FAM107B: variants seen among roughly 807,000 people sequenced by gnomAD.
FAM107B encodes the protein protein FAM107B.
FAM107B carries 21 observed loss-of-function variants against 31.5 expected under a neutral mutation model. That is an observed-to-expected ratio of 0.67 (90% CI 0.47 to 0.96). The LOEUF is 0.96. Ranked by LOEUF, FAM107B falls within the 40% of genes least tolerant of loss-of-function variation. The probability of loss-of-function intolerance (pLI) is 0.00; values close to 1 mark genes in which losing one functional copy is unlikely to be tolerated. For missense variants in FAM107B, 452 were observed against 377.1 expected, an observed-to-expected ratio of 1.20 and a Z score of -1.64; for synonymous variants, 157 against 141.5, an observed-to-expected ratio of 1.11 and a Z score of -0.78.
intron 2 of FAM107B, among the ~76,000 whole-genome samples, chr10:14,531,680 A>C (rs1055681431): frequency 6.6e-6 from 1 of 152,104 alleles, no homozygotes; most frequent in African/African-American, 2.4e-5. Context: ...TGTCTCTACT[A>C]AAAATACAAA....
intron 3 of FAM107B, among the ~76,000 whole-genome samples, chr10:14,524,589 A>C (rs1274487634): frequency 1.3e-5 from 2 of 152,218 alleles, no homozygotes; most frequent in African/African-American, 4.8e-5. Context: ...GTTGCTTAAG[A>C]GTACTCTGTT....
chr10:14,558,248 C>T (rs893207796), intron 2 of FAM107B, among the ~76,000 whole-genome samples: 7 of 152,156 alleles, frequency 4.6e-5, no homozygotes, highest in African/African-American at 7.2e-5. Context: ...CACTCACATA[C>T]GTGCACGCGC....
At chr10:14,721,561 C>T (rs1299711842) in intron 1 of FAM107B, among the ~76,000 whole-genome samples, 1 of 152,186 alleles carries the variant, frequency 6.6e-6, no homozygotes, top group African/African-American at 2.4e-5. Flanking sequence ...GATGGTATCT[C>T]ATTGTGGTTT....
At chr10:14,735,898 A>T (rs1856289192) in intron 1 of FAM107B, among the ~76,000 whole-genome samples, 1 of 152,182 alleles carries the variant, frequency 6.6e-6, no homozygotes, top group Admixed American at 6.5e-5. Context: ...ATATCTCTAC[A>T]GTACTAAAAT....
At chr10:14,643,237 C>T (rs1022478746) in intron 2 of FAM107B, among the ~76,000 whole-genome samples, 2 of 151,922 alleles carry the variant, frequency 1.3e-5, no homozygotes, top group Non-Finnish European at 2.9e-5. Context: ...GGCATAATTT[C>T]AGTTCAAAAG....
intron 2 of FAM107B, among the ~76,000 whole-genome samples, chr10:14,549,373 C>T (rs1217957251): frequency 1.3e-5 from 2 of 152,202 alleles, no homozygotes; most frequent in Non-Finnish European, 2.9e-5. Context: ...GCTGAGTACT[C>T]GCAGCATCTA....
At chr10:14,522,960 C>G (rs1845825580) in intron 3 of FAM107B, among the ~76,000 whole-genome samples, 1 of 152,130 alleles carries the variant, frequency 6.6e-6, no homozygotes, top group African/African-American at 2.4e-5. Context: ...ACAATGAAAG[C>G]AAGTCGGCCT....
intron 2 of FAM107B, among the ~76,000 whole-genome samples, chr10:14,662,885 G>A (rs569268242): frequency 4.6e-5 from 7 of 152,290 alleles, no homozygotes; most frequent in Non-Finnish European, 7.4e-5. Flanking sequence ...GGTTGCCAAC[G>A]GAGATTAACG....
Position 14,578,968 on chromosome 10 carries a change from TCA to T in FAM107B, c.470-48455_470-48454del, listed in dbSNP as rs1363422895. Among the ~76,000 whole-genome samples, 3 of 152,260 alleles carry T rather than the reference TCA, an allele frequency of 2.0e-5. No homozygotes were observed. The Middle Eastern group carries it at 0.01, about 518-fold the overall frequency. ...CGCAAGCTAAAAATGACAGCCTTGT[TCA>T]CACATTGTAAGACTTTACCTAAATT... On this transcript the variant is annotated intron_variant, in intron 2 of 4. Transcript: ENST00000181796.
At chr10:14,700,793 C>T (rs1855379470) in intron 1 of FAM107B, among the ~76,000 whole-genome samples, 1 of 141,792 alleles carries the variant, frequency 7.1e-6, no homozygotes, top group East Asian at 2.0e-4. Flanking sequence ...CAACTACAGG[C>T]CCAGCTGGTC....
intron 2 of FAM107B, among the ~76,000 whole-genome samples, chr10:14,566,500 G>A (rs1006868907): frequency 1.3e-5 from 2 of 152,070 alleles, no homozygotes; most frequent in African/African-American, 2.4e-5. Context: ...TTCCTCAGTC[G>A]AGCCTCTGAT....
chr10:14,546,368 T>C (rs1848693000), intron 2 of FAM107B, among the ~76,000 whole-genome samples: 1 of 152,264 alleles, frequency 6.6e-6, no homozygotes, highest in South Asian at 2.1e-4. Flanking sequence ...TACTGATCTG[T>C]GGGTGTTTTG....
chr10:14,674,416 C>G (rs1854631229), intron 1 of FAM107B, among the ~76,000 whole-genome samples: 1 of 152,140 alleles, frequency 6.6e-6, no homozygotes, highest in Admixed American at 6.5e-5. Flanking sequence ...CAGCATTGCT[C>G]CCTGGGGATG....
At chr10:14,762,755 C>CAT (rs1833078698) in intron 1 of FAM107B, among the ~76,000 whole-genome samples, 1 of 20,120 alleles carries the variant, frequency 5.0e-5, no homozygotes, top group African/African-American at 2.4e-4. Flanking sequence ...AACTCTGTCT[C>CAT]ACACACACAC....
intron 2 of FAM107B, among the ~76,000 whole-genome samples, chr10:14,598,105 T>A (rs1852246486): frequency 6.6e-6 from 1 of 152,194 alleles, no homozygotes; most frequent in African/African-American, 2.4e-5. Context: ...TTTGCCAACA[T>A]TTTTCCCCAT....
chr10:14,597,179 T>A (rs1016079756), intron 2 of FAM107B, among the ~76,000 whole-genome samples: 1 of 152,222 alleles, frequency 6.6e-6, no homozygotes, highest in African/African-American at 2.4e-5. Flanking sequence ...CATACGCATA[T>A]GCACAAATGG....
intron 1 of FAM107B, among the ~76,000 whole-genome samples, chr10:14,742,344 C>T (rs1485229186): frequency 6.7e-6 from 1 of 149,586 alleles, no homozygotes; most frequent in African/African-American, 2.5e-5. Context: ...TGTCGAACTT[C>T]TGGTCTCAAT....
chr10:14,582,447 G>A (rs1385489235), intron 2 of FAM107B, among the ~76,000 whole-genome samples: 1 of 132,420 alleles, frequency 7.6e-6, no homozygotes, highest in Non-Finnish European at 1.5e-5. Context: ...CACAATCTCT[G>A]CTCACGGCAA....
chr10:14,658,510 G>T (rs534836208), intron 2 of FAM107B, among the ~76,000 whole-genome samples: 1 of 152,192 alleles, frequency 6.6e-6, no homozygotes, highest in Non-Finnish European at 1.5e-5. Context: ...CAAAAGTCAC[G>T]TTGTAAACCA....
Sources: gnomAD v4.1 joint callset for allele counts (sites outside exome capture counted in the v4.1 genomes callset) on GRCh38, gnomAD v4.1.1 for gene constraint, MANE v1.5 for transcripts, NCBI Gene and HGNC (gene_info 2026-07-23, HGNC 2026-07-21) for gene names.